The following RNF150 variants were observed in gnomAD, a reference collection of about 807,000 sequenced individuals.
RNF150 encodes the protein ring finger protein 150.
Under a neutral mutation model 39.3 loss-of-function variants are expected in RNF150, and 24 were observed. That is an observed-to-expected ratio of 0.61 (90% CI 0.44 to 0.86). RNF150 has a LOEUF of 0.86. Among genes scored for constraint, RNF150 ranks in the 40% least tolerant of loss-of-function variants. The probability of loss-of-function intolerance (pLI) is 0.00; values close to 1 mark genes in which losing one functional copy is unlikely to be tolerated. For missense variants in RNF150, 502 were observed against 587.8 expected, an observed-to-expected ratio of 0.85 and a Z score of 1.51; for synonymous variants, 255 against 227.3, an observed-to-expected ratio of 1.12 and a Z score of -1.10.
intron 1 of RNF150, among the ~76,000 whole-genome samples, chr4:141,148,000 T>A (rs1383780509): frequency 2.0e-5 from 3 of 152,154 alleles, no homozygotes; most frequent in African/African-American, 7.2e-5. Context: ...GTTGGTAACA[T>A]CCTTAAAATA....
chr4:141,053,494 C>G (rs887707406), intron 1 of RNF150, among the ~76,000 whole-genome samples: 1 of 152,184 alleles, frequency 6.6e-6, no homozygotes, highest in Admixed American at 6.5e-5. Context: ...TGAGGCCACA[C>G]TGAGTAGCTT....
At chr4:141,190,028 A>G (rs1481133296) in intron 1 of RNF150, among the ~76,000 whole-genome samples, 1 of 151,610 alleles carries the variant, frequency 6.6e-6, no homozygotes, top group Non-Finnish European at 1.5e-5. Flanking sequence ...CCTGGACCAG[A>G]TAGCACAGTC....
chr4:141,115,574 T>C (rs377618352), intron 1 of RNF150, among the ~76,000 whole-genome samples: 152 of 152,326 alleles, frequency 1.0e-3, no homozygotes, highest in African/African-American at 3.4e-3. Context: ...AAAAGTAATT[T>C]ATTGATTCAA....
intron 2 of RNF150, among the ~76,000 whole-genome samples, chr4:140,965,336 C>T (rs1434976452): frequency 6.6e-6 from 1 of 151,910 alleles, no homozygotes; most frequent in Non-Finnish European, 1.5e-5. Flanking sequence ...ACAGAGGTTC[C>T]TAAAGAAATA....
At chr4:141,198,044 T>C (rs1728231412) in intron 1 of RNF150, among the ~76,000 whole-genome samples, 1 of 151,400 alleles carries the variant, frequency 6.6e-6, no homozygotes, top group Admixed American at 6.6e-5. Context: ...TTTTTTTTTT[T>C]TTTTGGAGTT....
At chr4:140,914,084 T>A (rs1308706707) in intron 5 of RNF150, among the ~76,000 whole-genome samples, 1 of 152,240 alleles carries the variant, frequency 6.6e-6, no homozygotes, top group African/African-American at 2.4e-5. Flanking sequence ...ATCTAGCTGT[T>A]GATATTGTTC....
chr4:140,861,183 T>A lies in RNF150; in HGVS notation c.*7078A>T, dbSNP rs187470494. 1.4e-3 allele frequency: 214 copies of A among 152,322 alleles called. 1 individual carries two copies. Among genetic ancestry groups the A allele is most frequent in the African/African-American group, 4.8e-3 (201 of 41,578 alleles). 9.4% of individuals were successfully genotyped at this position (152,322 alleles called of 1,614,324 possible). On this transcript the variant is annotated 3_prime_UTR_variant, in exon 7 of 7. Transcript: ENST00000515673. ...CAGTATTTCACACCATTTACATTCA[T>A]ATGAAGTCTTTTTATTGATCTTCCT...
At chr4:140,961,659 C>T (rs1015967826) in intron 2 of RNF150, among the ~76,000 whole-genome samples, 1 of 152,040 alleles carries the variant, frequency 6.6e-6, no homozygotes, top group Non-Finnish European at 1.5e-5. Flanking sequence ...ATATGTTATT[C>T]CATCCATCAA....
intron 1 of RNF150, among the ~76,000 whole-genome samples, chr4:141,183,459 T>A (rs1200208384): frequency 6.6e-6 from 1 of 152,174 alleles, no homozygotes; most frequent in Admixed American, 6.6e-5. Context: ...AGTGAGAGAA[T>A]TTTGCAGATA....
intron 1 of RNF150, among the ~76,000 whole-genome samples, chr4:140,969,750 GT>G (rs1733386661): frequency 8.8e-6 from 1 of 113,164 alleles, no homozygotes; most frequent in African/African-American, 3.0e-5. Context: ...AAATGCACAA[GT>G]TTTACTTTTT....
intron 1 of RNF150, among the ~76,000 whole-genome samples, chr4:141,099,234 T>A (rs1293307762): frequency 6.6e-6 from 1 of 152,116 alleles, no homozygotes; most frequent in Non-Finnish European, 1.5e-5. Flanking sequence ...AGGAAATGCC[T>A]TTGGTGGGGC....
intron 5 of RNF150, among the ~76,000 whole-genome samples, chr4:140,921,722 A>G (rs1731158509): frequency 6.6e-6 from 1 of 152,216 alleles, no homozygotes; most frequent in South Asian, 2.1e-4. Context: ...AACCTCAATA[A>G]AATACTGGCA....
intron 4 of RNF150, among the ~76,000 whole-genome samples, chr4:140,939,159 C>G (rs1731980866): frequency 6.6e-6 from 1 of 152,108 alleles, no homozygotes; most frequent in Admixed American, 6.6e-5. Context: ...TATCTATTGC[C>G]ACAATTTATA....
At chr4:141,084,008 T>C (rs1738255365) in intron 1 of RNF150, among the ~76,000 whole-genome samples, 1 of 152,252 alleles carries the variant, frequency 6.6e-6, no homozygotes, top group African/African-American at 2.4e-5. Context: ...TTTAATGTGA[T>C]GTGGGTAATA....
intron 1 of RNF150, among the ~76,000 whole-genome samples, chr4:141,161,900 T>C (rs1010479768): frequency 5.3e-5 from 8 of 152,178 alleles, no homozygotes; most frequent in Admixed American, 3.9e-4. Flanking sequence ...TGGAAAAGCA[T>C]AGATGTCCAG....
intron 1 of RNF150, among the ~76,000 whole-genome samples, chr4:141,193,634 C>A (rs184031819): frequency 1.3e-5 from 2 of 151,950 alleles, no homozygotes; most frequent in Non-Finnish European, 2.9e-5. Context: ...ACAAAAACAT[C>A]TTCTGCCTCC....
intron 1 of RNF150, among the ~76,000 whole-genome samples, chr4:141,125,284 AGAAC>A (rs1395648323): frequency 7.0e-6 from 1 of 142,156 alleles, no homozygotes; most frequent in African/African-American, 2.6e-5. Context: ...TCTATTTAAT[AGAAC>A]GATTGTAAAT....
At chr4:141,197,344 A>AT (rs1196676466) in intron 1 of RNF150, among the ~76,000 whole-genome samples, 5 of 152,102 alleles carry the variant, frequency 3.3e-5, no homozygotes, top group Non-Finnish European at 7.4e-5. Context: ...TATTTCCTCC[A>AT]TTTTTTGTAG....
chr4:140,953,865 C>T (rs553223292), intron 2 of RNF150, among the ~76,000 whole-genome samples: 1 of 152,270 alleles, frequency 6.6e-6, no homozygotes, highest in South Asian at 2.1e-4. Flanking sequence ...AGGCTACTTA[C>T]TGTTGCTTTT....
Sources: gnomAD v4.1 joint callset for allele counts (sites outside exome capture counted in the v4.1 genomes callset) on GRCh38, gnomAD v4.1.1 for gene constraint, MANE v1.5 for transcripts, NCBI Gene and HGNC (gene_info 2026-07-23, HGNC 2026-07-21) for gene names.